MYO6: variants seen among roughly 807,000 people sequenced by gnomAD.
MYO6 encodes the protein unconventional myosin-VI.
Under a neutral mutation model 178.7 loss-of-function variants are expected in MYO6, and 74 were observed. The ratio of observed to expected loss-of-function variants is 0.41; its 90% CI spans 0.34 to 0.50. The LOEUF (loss-of-function observed/expected upper bound fraction) is 0.50. Ranked by LOEUF, MYO6 falls within the 20% of genes least tolerant of loss-of-function variation. The pLI is 0.09. For missense variants in MYO6, 1,330 were observed against 1,547.4 expected (o/e 0.86, Z 2.36); for synonymous variants, 477 against 504.6 (o/e 0.95, Z 0.73).
At chr6:75,820,603 TCAGGTGATCCA>T (rs1331406051) in intron 2 of MYO6, among the ~76,000 whole-genome samples, 3 of 152,174 alleles carry the variant, frequency 2.0e-5, no homozygotes, top group Admixed American at 2.0e-4. Flanking sequence ...ACTCCTGACC[TCAGGTGATCCA>T]CCTGCCTGGG....
In MYO6 at chr6:75,881,811, C is replaced by T. The variant is rs779017960; in HGVS notation, c.2409C>T (p.Val803=). 7.4e-6 allele frequency: 12 copies of T among 1,613,698 alleles called. No homozygotes were observed. In the South Asian group the frequency reaches 1.3e-4, roughly 18 times the overall value. ...AAGTTCAGTGGTGCTCACTCTCAGT[C>T]ATCAAATGTAGGTGTTTTCCTTTAC... The part of the protein sequence containing the change: ...WKKVQWCSLS[V]IKLKNKIKYR... The change falls in exon 23 of 35, where the codon GTC becomes GTT. Residue 803 remains valine (V), a synonymous_variant. Coordinates refer to ENST00000369977, the MANE Select transcript of MYO6 (RefSeq NM_004999.4).
intron 14 of MYO6, 22 bp downstream of exon 14, chr6:75,859,015 A>G (rs1345742175): frequency 1.4e-6 from 2 of 1,414,608 alleles, no homozygotes; most frequent in Non-Finnish European, 2.0e-6. Context: ...TATAAGTTTA[A>G]TTTAAGATCT....
chr6:75,803,966 TCAC>T (rs1769743752), intron 1 of MYO6, among the ~76,000 whole-genome samples: 1 of 152,204 alleles, frequency 6.6e-6, no homozygotes, highest in African/African-American at 2.4e-5. Flanking sequence ...CGATCATGGC[TCAC>T]TGCAGCCTTG....
chr6:75,905,440 G>A (rs531173243), intron 30 of MYO6, among the ~76,000 whole-genome samples: 39 of 152,332 alleles, frequency 2.6e-4, no homozygotes, highest in African/African-American at 8.4e-4. Context: ...TTTTAAGCCC[G>A]TCGGAAAAGC....
chr6:75,905,950 A>G lies in MYO6; in HGVS notation c.3177-1655A>G, dbSNP rs571006956. On this transcript the variant is annotated intron_variant, in intron 30 of 34. Transcript: ENST00000369977. ...TCCTTTACTTCAGGAAGAAAGTGAC[A>G]TATTCTCAGACATCATTTTTCAATT... Among the ~76,000 whole-genome samples the G allele has an allele frequency of 1.5e-4, 23 of 152,360 alleles. No homozygotes were observed. The East Asian group carries it at 4.4e-3, about 29-fold the overall frequency.
intron 30 of MYO6, among the ~76,000 whole-genome samples, chr6:75,905,425 C>T (rs1188996325): frequency 6.6e-6 from 1 of 152,254 alleles, no homozygotes; most frequent in African/African-American, 2.4e-5. Context: ...CCTGGTGCGC[C>T]ATTTTTTTAA....
chr6:75,817,319 A>AAG (rs1562200790), intron 1 of MYO6, among the ~76,000 whole-genome samples, 182 bp from the exon 2 acceptor site: 1 of 151,532 alleles, frequency 6.6e-6, no homozygotes. Flanking sequence ...AAAAAAAAAA[A>AAG]AAAGTAGATA....
At chr6:75,843,369 T>A (rs1774426786) in intron 9 of MYO6, among the ~76,000 whole-genome samples, 1 of 152,238 alleles carries the variant, frequency 6.6e-6, no homozygotes, top group Admixed American at 6.5e-5. Context: ...TTTAAAAATG[T>A]TTGCATTTAG....
At chr6:75,787,722 C>CTA (rs1767771046) in intron 1 of MYO6, among the ~76,000 whole-genome samples, 8 of 29,098 alleles carry the variant, frequency 2.7e-4, no homozygotes, top group Non-Finnish European at 3.8e-4. Context: ...CTCTCTCTCT[C>CTA]TCTCTCTCTA....
At chr6:75,799,807 A>G (rs1769257927) in intron 1 of MYO6, among the ~76,000 whole-genome samples, 1 of 152,064 alleles carries the variant, frequency 6.6e-6, no homozygotes, top group African/African-American at 2.4e-5. Context: ...AACTTTACCC[A>G]TGTTACAGTG....
intron 1 of MYO6, among the ~76,000 whole-genome samples, chr6:75,796,192 A>G (rs145184172): frequency 6.6e-6 from 1 of 152,280 alleles, no homozygotes; most frequent in East Asian, 1.9e-4. Context: ...AGACCTTTCT[A>G]ATATGGTCAG....
At chr6:75,787,991 G>A (rs1043917860) in intron 1 of MYO6, among the ~76,000 whole-genome samples, 1 of 151,174 alleles carries the variant, frequency 6.6e-6, no homozygotes, top group African/African-American at 2.4e-5. Flanking sequence ...GAACTCCTGG[G>A]CTCAAGTAAT....
intron 1 of MYO6, among the ~76,000 whole-genome samples, chr6:75,754,008 A>C (rs1208101712): frequency 6.6e-6 from 1 of 152,210 alleles, no homozygotes; most frequent in Non-Finnish European, 1.5e-5. Flanking sequence ...AACCTAAAGA[A>C]GAAATCTGGC....
chr6:75,851,715 C>T (rs1170785943), intron 11 of MYO6, among the ~76,000 whole-genome samples: 4 of 151,914 alleles, frequency 2.6e-5, no homozygotes, highest in Non-Finnish European at 5.9e-5. Context: ...CATGGTGGTG[C>T]ATGCCTGTAG....
intron 1 of MYO6, among the ~76,000 whole-genome samples, chr6:75,764,963 C>T (rs559843544): frequency 7.3e-5 from 11 of 150,694 alleles, no homozygotes; most frequent in South Asian, 6.3e-4. Context: ...CATGCCACTG[C>T]GCTCCAGCCT....
At chr6:75,901,480 G>T (rs201504042) in intron 30 of MYO6, among the ~76,000 whole-genome samples, 1 of 152,076 alleles carries the variant, frequency 6.6e-6, no homozygotes, top group East Asian at 1.9e-4. Flanking sequence ...TATTCTCTTT[G>T]AAGCAATTGT....
chr6:75,776,251 T>TTC (rs79554989), intron 1 of MYO6, among the ~76,000 whole-genome samples: 8,371 of 152,264 alleles, frequency 0.055, 501 homozygotes, highest in African/African-American at 0.15. Flanking sequence ...ATATTGTCAC[T>TTC]TTTTAAATAT....
Position 75,822,849 on chromosome 6 carries a change from A to G in MYO6, c.185A>G (p.Asn62Ser), listed in dbSNP as rs772775766. ...GACAGTAAAAAAGATGTGGAAGATA[A>G]CTGTAAGTACCAAGTTAAAAATTAA... ...EEDSKKDVED[N>S]CSLMYLNEAT... Residue 62 changes from asparagine (N) to serine (S), a missense_variant and splice_region_variant, in exon 3 of 35, where the codon AAC becomes AGC. Physicochemically the swap from Asn to Ser is conservative, Grantham distance 46. Coordinates refer to ENST00000369977, the MANE Select transcript of MYO6 (RefSeq NM_004999.4). 6.2e-7 allele frequency: 1 copy of G among 1,611,734 alleles called. No homozygotes were observed. Among genetic ancestry groups the G allele is most frequent in the African/African-American group, 1.3e-5 (1 of 74,996 alleles).
chr6:75,886,889 T>C lies in MYO6; in HGVS notation c.2553T>C (p.Asp851=). 6.2e-7 allele frequency: 1 copy of C among 1,613,848 alleles called. No individual in the cohort carries two copies. Residue 851 remains aspartate (D), a synonymous_variant, in exon 25 of 35, where the codon GAT becomes GAC. Transcript: ENST00000369977. ...TGGGCACACTGAAAAAACGACTTGA[T>C]AAATTTAATGAGGTAGTCAGTGTGT... is the stretch of plus-strand genomic sequence containing the variant. ...VKVGTLKKRL[D]KFNEVVSVLK... is the part of the protein sequence containing the mutation.
Sources: gnomAD v4.1 joint callset for allele counts (sites outside exome capture counted in the v4.1 genomes callset) on GRCh38, gnomAD v4.1.1 for gene constraint, MANE v1.5 for transcripts, NCBI Gene and HGNC (gene_info 2026-07-23, HGNC 2026-07-21) for gene names.